SH3D21: variants seen among roughly 807,000 people sequenced by gnomAD.
SH3D21 encodes the protein SH3 domain-containing protein 21.
In SH3D21, 83 loss-of-function variants were observed where a neutral mutation model predicts 82.1. The observed-to-expected ratio is 1.01, with a 90% CI of 0.85 to 1.21. The LOEUF (loss-of-function observed/expected upper bound fraction) is 1.21, where lower values mean the gene tolerates loss of function less well. SH3D21 is among the 50% of genes most tolerant of loss of function. The pLI, the probability that SH3D21 is intolerant of heterozygous loss-of-function variation, is 0.00. For missense variants in SH3D21, 980 were observed against 962.1 expected (o/e 1.02, Z -0.25); for synonymous variants, 383 against 387.8 (o/e 0.99, Z 0.15).
At chr1:36,312,239 G>A (rs1646255800) in intron 10 of SH3D21, among the ~76,000 whole-genome samples, 1 of 150,882 alleles carries the variant, frequency 6.6e-6, no homozygotes, top group South Asian at 2.1e-4. Context: ...TAGCCAGGAT[G>A]GTCTTGATCT....
chr1:36,325,690 G>A (rs2995221), downstream of SH3D21, among the ~76,000 whole-genome samples: 6,972 of 152,098 alleles, frequency 0.046, 356 homozygotes, highest in African/African-American at 0.12. Flanking sequence ...GACTACAGGC[G>A]CCTGCCACCA....
chr1:36,317,484 C>G lies in SH3D21; in HGVS notation c.770-1587C>G, dbSNP rs146904288. On this transcript the variant is annotated intron_variant, in intron 10 of 15. Transcript: ENST00000453908. ...GAATGTCACTGTGTGTAACTGCCTT[C>G]AAGTGATGCTGATGTCACCTTAGTG... Among the ~76,000 whole-genome samples, 578 of 152,354 alleles carry G rather than the reference C, an allele frequency of 3.8e-3. 6 individuals carry two copies. Among genetic ancestry groups the G allele is most frequent in the Non-Finnish European group, 5.6e-3 (378 of 68,034 alleles).
intron 10 of SH3D21, among the ~76,000 whole-genome samples, chr1:36,313,965 A>ATTTTTTTT (rs1310971892): frequency 1.8e-5 from 1 of 56,278 alleles, no homozygotes; most frequent in Non-Finnish European, 3.9e-5. Flanking sequence ...GATGCTGAAC[A>ATTTTTTTT]TATTTTCTTT....
At chr1:36,316,526 C>T (rs912806450) in intron 10 of SH3D21, among the ~76,000 whole-genome samples, 15 of 151,940 alleles carry the variant, frequency 9.9e-5, no homozygotes, top group Admixed American at 3.3e-4. Context: ...TGAGCCACCG[C>T]GCCTGGCCGA....
downstream of SH3D21, chr1:36,328,486 A>G (rs1466633480): frequency 3.4e-6 from 1 of 291,194 alleles, no homozygotes. Context: ...ATGGACAATC[A>G]TAGGCCCAGT....
downstream of SH3D21, chr1:36,323,336 G>A: frequency 2.6e-6 from 1 of 378,438 alleles, no homozygotes; most frequent in Non-Finnish European, 4.8e-6. Context: ...CCGTCCCGGG[G>A]CGGGATGGAG....
chr1:36,316,228 TTTTTGTTTTG>T (rs59279425), intron 10 of SH3D21, among the ~76,000 whole-genome samples: 120,086 of 151,496 alleles, frequency 0.79, 49,144 homozygotes, highest in East Asian at 0.94. Flanking sequence ...TTGCTTTTAT[TTTTTGTTTTG>T]TTTTGTTTTG....
At position 36,307,119 on chromosome 1, in the gene SH3D21, C is replaced by CT. The variant is rs1350112164; in HGVS notation, c.227-47dup. 2 of 1,548,886 alleles carry CT rather than the reference C, an allele frequency of 1.3e-6. No homozygotes were observed. Among genetic ancestry groups the CT allele is most frequent in the South Asian group, 2.4e-5 (2 of 83,412 alleles). ...GCGCCTTGCGCTTCCCCCAGCTCCT[C>CT]TGACTGGGGCGTCCGACTGGAGCTC... On this transcript the variant is annotated intron_variant, in intron 3 of 15. Transcript: ENST00000453908. The surrounding 1 kb of genome is among the most constrained non-coding windows in gnomAD (Gnocchi z 5.4).
In SH3D21 at chr1:36,319,965, C is replaced by T. The variant is rs777033908; in HGVS notation, c.1302C>T (p.Ile434=). 6.8e-6 allele frequency: 11 copies of T among 1,614,130 alleles called. No homozygotes were observed. The highest frequency in any genetic ancestry group is 6.6e-5 in the South Asian group (6 of 91,072). The change falls in exon 14 of 16, where the codon ATC becomes ATT. Residue 434 remains isoleucine, a synonymous_variant. Transcript: ENST00000453908. ...DKASIPENSI[I]PEETLTVDKP... ...CTTCTATCCCAGAGAACTCCATCAT[C>T]CCAGAGGAGACCCTGACTGTGGACA...
chr1:36,316,945 G>A (rs764214966), intron 10 of SH3D21, among the ~76,000 whole-genome samples: 32 of 152,082 alleles, frequency 2.1e-4, no homozygotes, highest in Non-Finnish European at 2.4e-4. Flanking sequence ...GGAGTGCTGG[G>A]ATTACAGGTG....
At chr1:36,323,647 A>AGGGACGGGGC (rs1646507329), downstream of SH3D21, 1 of 151,418 alleles carries the variant, frequency 6.6e-6, no homozygotes, top group Non-Finnish European at 1.5e-5. Flanking sequence ...AGGAAAGAGG[A>AGGGACGGGGC]GGGACGGGGC....
chr1:36,321,608 C>T (rs1048597125), downstream of SH3D21: 15 of 959,372 alleles, frequency 1.6e-5, no homozygotes, highest in Non-Finnish European at 1.9e-5. The surrounding 1 kb of genome is among the most constrained non-coding windows in gnomAD (Gnocchi z 6.1). Context: ...CTTGAACGCA[C>T]CTCGGCGCAG....
chr1:36,329,594 G>A (rs1030952306), downstream of SH3D21, among the ~76,000 whole-genome samples: 35 of 152,058 alleles, frequency 2.3e-4, no homozygotes, highest in African/African-American at 7.0e-4. Context: ...TTCCCCCACA[G>A]TGGCCACAAC....
Position 36,307,134 on chromosome 1 carries a change from G to A in SH3D21, c.227-33G>A, listed in dbSNP as rs764642622. 1.9e-6 allele frequency: 3 copies of A among 1,550,496 alleles called. No individual in the cohort carries two copies. The highest frequency in any genetic ancestry group is 2.7e-5 in the African/African-American group (2 of 73,034). Reference sequence around the variant, plus strand: ...CCCAGCTCCTCTGACTGGGGCGTCCGACTGGAGCTCAGCCGCGCTTGTCCG... The same window carrying A: ...CCCAGCTCCTCTGACTGGGGCGTCCAACTGGAGCTCAGCCGCGCTTGTCCG... On this transcript the variant is annotated intron_variant, in intron 3 of 15. Coordinates refer to ENST00000453908, the MANE Select transcript of SH3D21 (RefSeq NM_001162530.2). The surrounding 1 kb of genome is among the most constrained non-coding windows in gnomAD (Gnocchi z 5.4).
rs1338520152 is a variant in SH3D21 at position 36,307,118 on chromosome 1, T to C, written c.227-49T>C. 6.5e-7 allele frequency: 1 copy of C among 1,548,802 alleles called. No homozygotes were observed. The highest frequency in any genetic ancestry group is 8.7e-7 in the Non-Finnish European group (1 of 1,145,408). ...CGCGCCTTGCGCTTCCCCCAGCTCC[T>C]CTGACTGGGGCGTCCGACTGGAGCT... On this transcript the variant is annotated intron_variant, in intron 3 of 15. Coordinates refer to ENST00000453908, the MANE Select transcript of SH3D21 (RefSeq NM_001162530.2). This position sits in a 1 kb window ranked among gnomAD's most constrained non-coding sequence, Gnocchi z 5.4.
chr1:36,324,412 G>A (rs890543204), downstream of SH3D21: 1 of 152,300 alleles, frequency 6.6e-6, no homozygotes, highest in African/African-American at 2.4e-5. Flanking sequence ...GCAATGTGGT[G>A]TGTGATCAGT....
rs1646409303 is a variant in SH3D21 at position 36,319,659 on chromosome 1, C to T, written c.1012-16C>T. 5 of 1,566,964 alleles carry T rather than the reference C, an allele frequency of 3.2e-6. No homozygotes were observed. The highest frequency in any genetic ancestry group is 2.4e-5 in the East Asian group (1 of 42,318). On this transcript the variant is annotated splice_polypyrimidine_tract_variant and intron_variant, in intron 13 of 15. Transcript: ENST00000453908. Reference sequence around the variant, plus strand: ...AGACTCAACCTCAGCTGAGACTTCACCTCCCATCACGGCAGGAGGAAGAGC... The same window carrying T: ...AGACTCAACCTCAGCTGAGACTTCATCTCCCATCACGGCAGGAGGAAGAGC...
chr1:36,320,395 A>T lies in SH3D21; in HGVS notation c.1732A>T (p.Lys578Ter). 1 of 1,613,638 alleles carries T rather than the reference A, an allele frequency of 6.2e-7. No individual in the cohort carries two copies. Among genetic ancestry groups the T allele is most frequent in the Non-Finnish European group, 8.5e-7 (1 of 1,179,950 alleles). Residue 578 changes from lysine to a stop codon, truncating the protein, a stop_gained, in exon 14 of 16, where the codon AAG becomes TAG. Transcript: ENST00000453908. LOFTEE classifies it high-confidence loss of function. ...SGPASRPALE[K>*]PHPHEEATTL... is the part of the protein sequence containing the mutation. ...GCCAGCATCCAGGCCTGCCCTTGAG[A>T]AGCCCCACCCCCACGAAGAGGCTAC...
chr1:36,322,290 G>C, downstream of SH3D21: 1 of 1,505,194 alleles, frequency 6.6e-7, no homozygotes, highest in Non-Finnish European at 8.8e-7. Flanking sequence ...GGGAGCCGGG[G>C]CCCATCAGTA....
Sources: gnomAD v4.1 joint callset for allele counts (sites outside exome capture counted in the v4.1 genomes callset) on GRCh38, gnomAD v4.1.1 for gene constraint, Gnocchi (gnomAD v3.1) non-coding constraint, MANE v1.5 for transcripts, NCBI Gene and HGNC (gene_info 2026-07-23, HGNC 2026-07-21) for gene names.